Variants in MDGA2 observed in about 807,000 individuals in gnomAD.
MDGA2 encodes the protein MAM domain-containing glycosylphosphatidylinositol anchor protein 2.
Under a neutral mutation model 117.8 loss-of-function variants are expected in MDGA2, and 40 were observed. The ratio of observed to expected loss-of-function variants is 0.34; its 90% CI spans 0.26 to 0.44. The LOEUF is 0.44. Among genes scored for constraint, MDGA2 ranks in the 20% least tolerant of loss-of-function variants. The pLI is 1.00. For synonymous variants in MDGA2, 452 were observed against 439.0 expected, an observed-to-expected ratio of 1.03 and a Z score of -0.37; for missense variants, 1,123 against 1,250.6, an observed-to-expected ratio of 0.90 and a Z score of 1.54.
chr14:47,643,571 C>A (rs1476775417), intron 1 of MDGA2, among the ~76,000 whole-genome samples: 2 of 152,062 alleles, frequency 1.3e-5, no homozygotes, highest in African/African-American at 2.4e-5. Flanking sequence ...ATCTTTCTAT[C>A]ACCAGCCATT....
chr14:47,643,975 G>T (rs985714525), intron 1 of MDGA2, among the ~76,000 whole-genome samples: 1 of 152,118 alleles, frequency 6.6e-6, no homozygotes, highest in African/African-American at 2.4e-5. Flanking sequence ...GACATTAAAA[G>T]GTCATTCAGT....
At chr14:47,039,095 A>T (rs1888969694) in intron 7 of MDGA2, among the ~76,000 whole-genome samples, 1 of 152,156 alleles carries the variant, frequency 6.6e-6, no homozygotes, top group Non-Finnish European at 1.5e-5. Flanking sequence ...TATCTCTAAG[A>T]ATTACTCAAC....
chr14:47,263,659 G>A (rs1306286077), intron 2 of MDGA2, among the ~76,000 whole-genome samples: 46 of 152,072 alleles, frequency 3.0e-4, no homozygotes. Flanking sequence ...CAACTCTCAG[G>A]CTTCATTCCA....
intron 1 of MDGA2, among the ~76,000 whole-genome samples, chr14:47,598,364 A>G (rs573010361): frequency 9.2e-5 from 14 of 152,310 alleles, no homozygotes; most frequent in Admixed American, 9.2e-4. Flanking sequence ...TTGAACAAAT[A>G]TTTGTACACT....
rs72117373 is a variant in MDGA2, at chr14:46,881,009, A to AACACACACAC, written c.2416+1025_2416+1034dup. On this transcript the variant is annotated intron_variant, in intron 11 of 16. Coordinates refer to ENST00000399232, the MANE Select transcript of MDGA2 (RefSeq NM_001113498.3). ...AGTTAATAAAAAGAAAACTATCACT[A>AACACACACAC]ACACACACACACACACACACACACA... Among the ~76,000 whole-genome samples the AACACACACAC allele has an allele frequency of 9.7e-3, 1,419 of 145,678 alleles. 9 individuals are homozygous for AACACACACAC. The highest frequency in any genetic ancestry group is 0.02 in the South Asian group (93 of 4,606).
intron 3 of MDGA2, among the ~76,000 whole-genome samples, chr14:47,146,959 A>G (rs113616973): frequency 2.6e-5 from 4 of 152,290 alleles, no homozygotes; most frequent in African/African-American, 9.6e-5. Flanking sequence ...ACAATGGCTT[A>G]TAGTATTGGC....
intron 3 of MDGA2, chr14:47,200,549 T>TTTTTG: frequency 1.5e-5 from 9 of 592,444 alleles, no homozygotes; most frequent in South Asian, 4.1e-5. Context: ...TTTTTTTTTT[T>TTTTTG]GAGGAGTTAA....
chr14:47,396,480 T>C (rs1892011672), intron 1 of MDGA2, among the ~76,000 whole-genome samples: 1 of 152,030 alleles, frequency 6.6e-6, no homozygotes, highest in Admixed American at 6.6e-5. Flanking sequence ...AAGTCAAAAT[T>C]GACAAATGGG....
chr14:47,106,381 C>A (rs1042378991), intron 5 of MDGA2, among the ~76,000 whole-genome samples: 1 of 152,016 alleles, frequency 6.6e-6, no homozygotes. Flanking sequence ...ATCTCCAGCA[C>A]ACAAGAACTT....
At chr14:47,587,819 C>A (rs529664952) in intron 1 of MDGA2, among the ~76,000 whole-genome samples, 3 of 151,832 alleles carry the variant, frequency 2.0e-5, no homozygotes, top group Admixed American at 6.6e-5. Flanking sequence ...CAATCTAATT[C>A]CAGAATGTTT....
chr14:47,502,462 CT>C, intron 1 of MDGA2, among the ~76,000 whole-genome samples: 1 of 152,008 alleles, frequency 6.6e-6, no homozygotes, highest in African/African-American at 2.4e-5. Flanking sequence ...ACCAAAGAAC[CT>C]AGCCAGAGAA....
intron 1 of MDGA2, among the ~76,000 whole-genome samples, chr14:47,539,818 A>C (rs1895300909): frequency 1.3e-5 from 2 of 152,182 alleles, no homozygotes; most frequent in Admixed American, 1.3e-4. Flanking sequence ...AAGCTGAAGT[A>C]GTAGCAGTCA....
At chr14:47,041,339 A>G (rs551738365) in intron 7 of MDGA2, among the ~76,000 whole-genome samples, 57 of 152,100 alleles carry the variant, frequency 3.7e-4, no homozygotes, top group Non-Finnish European at 7.6e-4. Context: ...TAGGTCTTAA[A>G]TCAAATTATT....
At chr14:47,181,759 T>A (rs1884716863) in intron 3 of MDGA2, among the ~76,000 whole-genome samples, 1 of 152,208 alleles carries the variant, frequency 6.6e-6, no homozygotes, top group South Asian at 2.1e-4. Context: ...ATTTTCATAT[T>A]TTGCTTTGCA....
chr14:47,230,589 A>G (rs1886655535), intron 2 of MDGA2, among the ~76,000 whole-genome samples: 1 of 151,974 alleles, frequency 6.6e-6, no homozygotes, highest in Admixed American at 6.6e-5. Context: ...AATCTTATGG[A>G]CAAATTTTTA....
intron 1 of MDGA2, among the ~76,000 whole-genome samples, chr14:47,447,970 G>T (rs1477624727): frequency 6.6e-6 from 1 of 151,940 alleles, no homozygotes; most frequent in Non-Finnish European, 1.5e-5. Context: ...TTTCCTGAGT[G>T]GGGTGATAAG....
chr14:47,309,153 T>A (rs1594786855), intron 1 of MDGA2, among the ~76,000 whole-genome samples: 1 of 152,180 alleles, frequency 6.6e-6, no homozygotes, highest in Admixed American at 6.6e-5. Flanking sequence ...TAATTGTCAT[T>A]TATGTAATCC....
intron 11 of MDGA2, among the ~76,000 whole-genome samples, chr14:46,881,009 A>AACACACACACACACACACACAC (rs72117373): frequency 1.4e-5 from 2 of 145,690 alleles, no homozygotes; most frequent in African/African-American, 2.5e-5. Flanking sequence ...AACTATCACT[A>AACACACACACACACACACACAC]ACACACACAC....
chr14:46,886,481 A>G (rs1882682049), intron 10 of MDGA2, among the ~76,000 whole-genome samples: 1 of 152,122 alleles, frequency 6.6e-6, no homozygotes, highest in East Asian at 1.9e-4. Context: ...TAAAGAAATG[A>G]AGAGAAATAA....
Sources: allele counts gnomAD v4.1 joint callset (sites outside exome capture counted in the v4.1 genomes callset), GRCh38; gene constraint gnomAD v4.1.1; transcripts MANE v1.5; gene names NCBI Gene and HGNC (gene_info 2026-07-23, HGNC 2026-07-21).